The following ATP8B4 variants were observed in gnomAD, a reference collection of about 807,000 sequenced individuals.
ATP8B4 encodes ATPase phospholipid transporting 8B4 (putative).
In ATP8B4, 133 loss-of-function variants were observed where a neutral mutation model predicts 145.6. That is an observed-to-expected ratio of 0.91 (90% CI 0.79 to 1.05). The LOEUF is 1.05. Among genes scored for constraint, ATP8B4 ranks in the 50% least tolerant of loss-of-function variants. The pLI, the probability that ATP8B4 is intolerant of heterozygous loss-of-function variation, is 0.00. For missense variants in ATP8B4, 1,458 were observed against 1,425.2 expected (o/e 1.02, Z -0.37); for synonymous variants, 507 against 492.9 (o/e 1.03, Z -0.38).
chr15:50,036,738 A>G (rs537238665), intron 6 of ATP8B4, among the ~76,000 whole-genome samples: 19 of 152,322 alleles, frequency 1.2e-4, no homozygotes, highest in African/African-American at 4.3e-4. Flanking sequence ...CACAAACACA[A>G]TCAAGAGAAA....
At chr15:50,112,856 A>AT (rs1243452667) in intron 1 of ATP8B4, among the ~76,000 whole-genome samples, 1 of 151,454 alleles carries the variant, frequency 6.6e-6, no homozygotes, top group Non-Finnish European at 1.5e-5. Flanking sequence ...TTTCCCTAAC[A>AT]TTTTTTCACA....
intron 16 of ATP8B4, among the ~76,000 whole-genome samples, 200 bp downstream of exon 16, chr15:49,930,918 TG>T (rs1457115688): frequency 6.6e-6 from 1 of 152,044 alleles, no homozygotes; most frequent in African/African-American, 2.4e-5. Context: ...AGAACAGTGC[TG>T]GGCACATAAT....
chr15:50,088,293 C>T (rs1205648131), intron 2 of ATP8B4, among the ~76,000 whole-genome samples: 2 of 152,046 alleles, frequency 1.3e-5, no homozygotes, highest in Non-Finnish European at 2.9e-5. Flanking sequence ...ATTGCTTGAA[C>T]CCGGGAGGCG....
At chr15:49,985,376 G>A (rs1266417480) in intron 10 of ATP8B4, among the ~76,000 whole-genome samples, 1 of 152,148 alleles carries the variant, frequency 6.6e-6, no homozygotes, top group Non-Finnish European at 1.5e-5. Flanking sequence ...GATTACAGGC[G>A]TGAGCCACCG....
chr15:50,074,132 A>G lies in ATP8B4; in HGVS notation c.82T>C (p.Tyr28His), dbSNP rs1454700306. The G allele has an allele frequency of 1.2e-6, 2 of 1,612,500 alleles. No homozygotes were observed. The highest frequency in any genetic ancestry group is 8.5e-7 in the Non-Finnish European group (1 of 1,178,886). The change falls in exon 3 of 28, where the codon TAT becomes CAT. Residue 28 changes from tyrosine to histidine, a missense_variant. Tyr to His is a moderately conservative substitution (Grantham distance 83). Transcript: ENST00000284509. ...NDREYNEKFQ[Y>H]ADNRIHTSKY... ...GTTATGTGTGTTTCACTTACCGCAT[A>G]CTGGAACTTTTCATTATATTCACGG... is the stretch of plus-strand genomic sequence containing the variant.
chr15:49,987,612 C>T, intron 9 of ATP8B4, 63 bp from the exon 10 acceptor site: 1 of 1,517,258 alleles, frequency 6.6e-7, no homozygotes, highest in Non-Finnish European at 8.9e-7. Context: ...TTCAGAAGCC[C>T]ACAGCACTGT....
In ATP8B4 at chr15:49,981,276, A is replaced by T. The variant is rs201751579; in HGVS notation, c.767T>A (p.Met256Lys). The T allele has an allele frequency of 3.5e-5, 57 of 1,608,980 alleles. No individual in the cohort carries two copies. The East Asian group carries it at 1.3e-3, about 36-fold the overall frequency. The change falls in exon 11 of 28, where the codon ATG becomes AAG. Residue 256 changes from methionine to lysine, a missense_variant. Coordinates refer to ENST00000284509, the MANE Select transcript of ATP8B4 (RefSeq NM_024837.4). ...VIFAGPDTKLMQNSGKTKFKR... is the reference protein window; with the variant it reads ...VIFAGPDTKLKQNSGKTKFKR... ...AAACTTTGTCTTACCACTATTCTGC[A>T]TTAGTTTAGTGTCAGGACCTGCAAA...
intron 3 of ATP8B4, among the ~76,000 whole-genome samples, chr15:50,052,112 C>A (rs1325364090): frequency 6.6e-6 from 1 of 152,184 alleles, no homozygotes; most frequent in Non-Finnish European, 1.5e-5. Flanking sequence ...CCTGTCCAAG[C>A]ATATGAGTAC....
At chr15:49,958,111 C>T (rs907890088) in intron 14 of ATP8B4, among the ~76,000 whole-genome samples, 2 of 151,536 alleles carry the variant, frequency 1.3e-5, no homozygotes, top group Non-Finnish European at 3.0e-5. Flanking sequence ...CCCTTACCAT[C>T]TGCAAATTTT....
intron 6 of ATP8B4, among the ~76,000 whole-genome samples, chr15:50,037,698 G>A (rs939790494): frequency 9.2e-5 from 14 of 152,276 alleles, no homozygotes; most frequent in African/African-American, 3.4e-4. Flanking sequence ...GGGGGTCCAG[G>A]CACCTTTATG....
chr15:49,985,274 T>C (rs2046500119), intron 10 of ATP8B4, among the ~76,000 whole-genome samples: 1 of 152,078 alleles, frequency 6.6e-6, no homozygotes, highest in South Asian at 2.1e-4. Flanking sequence ...TTTTTTGTAT[T>C]TTTAGTAGAG....
At chr15:49,995,593 G>A (rs1244093378) in intron 9 of ATP8B4, among the ~76,000 whole-genome samples, 1 of 152,022 alleles carries the variant, frequency 6.6e-6, no homozygotes, top group African/African-American at 2.4e-5. Context: ...ACAAGCAATT[G>A]CAAAGCACAG....
At chr15:50,178,118 C>T (rs1351581389) in intron 1 of ATP8B4, among the ~76,000 whole-genome samples, 1 of 152,140 alleles carries the variant, frequency 6.6e-6, no homozygotes, top group African/African-American at 2.4e-5. Flanking sequence ...AGACAGTGGG[C>T]ATTTGAGGTC....
chr15:50,026,549 G>T (rs1387568263), intron 6 of ATP8B4, among the ~76,000 whole-genome samples: 1 of 152,226 alleles, frequency 6.6e-6, no homozygotes, highest in Non-Finnish European at 1.5e-5. Context: ...GCAGCCGAGA[G>T]CACCTGCTCT....
intron 4 of ATP8B4, among the ~76,000 whole-genome samples, chr15:50,047,035 A>G (rs1470073258): frequency 6.6e-6 from 1 of 152,156 alleles, no homozygotes; most frequent in African/African-American, 2.4e-5. Flanking sequence ...CAATCCCCAC[A>G]CTGTAGATGT....
At chr15:50,167,590 C>T (rs114885745) in intron 1 of ATP8B4, among the ~76,000 whole-genome samples, 3 of 152,204 alleles carry the variant, frequency 2.0e-5, no homozygotes, top group African/African-American at 7.2e-5. Flanking sequence ...CAAATAATGT[C>T]ACATTCACAG....
intron 8 of ATP8B4, among the ~76,000 whole-genome samples, chr15:49,998,360 T>C (rs1012064171): frequency 2.0e-5 from 3 of 152,170 alleles, no homozygotes; most frequent in Non-Finnish European, 4.4e-5. Flanking sequence ...CCACCAACAG[T>C]GTAAAAGTGT....
chr15:50,107,145 A>G (rs1240802638), intron 1 of ATP8B4, 137 bp from the exon 2 acceptor site: 1 of 513,462 alleles, frequency 1.9e-6, no homozygotes, highest in African/African-American at 2.0e-5. Flanking sequence ...GATTTAATTT[A>G]TGAGGCTTTA....
At chr15:50,155,435 ACTGT>A (rs1198857176) in intron 1 of ATP8B4, among the ~76,000 whole-genome samples, 1 of 152,098 alleles carries the variant, frequency 6.6e-6, no homozygotes, top group Non-Finnish European at 1.5e-5. Flanking sequence ...AAAAGATAAA[ACTGT>A]CTGACCAATA....
Sources: allele counts gnomAD v4.1 joint callset (sites outside exome capture counted in the v4.1 genomes callset), GRCh38; gene constraint gnomAD v4.1.1; transcripts MANE v1.5; gene names NCBI Gene and HGNC (gene_info 2026-07-23, HGNC 2026-07-21).